Variants in PTPRG observed in about 807,000 individuals in gnomAD.
The protein encoded by PTPRG is protein tyrosine phosphatase receptor type G, also known as receptor-type tyrosine-protein phosphatase gamma.
PTPRG carries 102 observed loss-of-function variants against 165.3 expected under a neutral mutation model. The ratio of observed to expected loss-of-function variants is 0.62; its 90% CI spans 0.53 to 0.73. The LOEUF is 0.73. Ranked by LOEUF, PTPRG falls within the 30% of genes least tolerant of loss-of-function variation. The pLI is 0.00. For missense variants in PTPRG, 1,866 were observed against 1,861.4 expected (o/e 1.00, Z -0.05); for synonymous variants, 675 against 669.5 (o/e 1.01, Z -0.13).
intron 1 of PTPRG, among the ~76,000 whole-genome samples, chr3:61,675,804 T>C (rs192496818): frequency 3.1e-4 from 47 of 152,286 alleles, no homozygotes; most frequent in Admixed American, 6.5e-4. Flanking sequence ...TTGCATACAT[T>C]TTGAATTATC....
At chr3:62,105,178 T>C (rs1284000921) in intron 5 of PTPRG, among the ~76,000 whole-genome samples, 1 of 152,194 alleles carries the variant, frequency 6.6e-6, no homozygotes, top group African/African-American at 2.4e-5. Context: ...CAGTTGTTCA[T>C]AGATATTTAT....
At chr3:62,074,211 G>GTGTGTATA (rs923780031) in intron 4 of PTPRG, among the ~76,000 whole-genome samples, 1 of 150,806 alleles carries the variant, frequency 6.6e-6, no homozygotes. Flanking sequence ...GTGTGTGTGT[G>GTGTGTATA]TATACAGAGA....
At position 61,562,211 on chromosome 3, in the gene PTPRG, G is replaced by A. The variant is rs1699773491; in HGVS notation, c.-77G>A. The stretch of plus-strand genomic sequence containing the variant: ...GCCGGGGAAGCGCCCCGGCTTAGCG[G>A]AGGCTCGCACGGAGGCAAGAACTTA... On this transcript the variant is annotated 5_prime_UTR_variant, in exon 1 of 30. Transcript: ENST00000474889. 2.9e-6 allele frequency: 4 copies of A among 1,379,154 alleles called. No individual in the cohort carries two copies. The highest frequency in any genetic ancestry group is 4.1e-6 in the Non-Finnish European group (4 of 969,888). 85.4% of individuals were successfully genotyped at this position (1,379,154 alleles called of 1,614,324 possible).
chr3:61,624,374 G>C (rs1397343174), intron 1 of PTPRG, among the ~76,000 whole-genome samples: 1 of 152,184 alleles, frequency 6.6e-6, no homozygotes, highest in Non-Finnish European at 1.5e-5. Context: ...GGGATGGTCA[G>C]TGAGTTCCAA....
chr3:61,900,791 G>A (rs1338524148), intron 2 of PTPRG, among the ~76,000 whole-genome samples: 1 of 151,954 alleles, frequency 6.6e-6, no homozygotes, highest in African/African-American at 2.4e-5. Flanking sequence ...TGTGTGTACT[G>A]TAGTTAAAAA....
chr3:61,699,370 G>C (rs1033266467), intron 1 of PTPRG, among the ~76,000 whole-genome samples: 1 of 152,112 alleles, frequency 6.6e-6, no homozygotes, highest in African/African-American at 2.4e-5. Context: ...CATTCAATCT[G>C]TTGTGATATT....
chr3:61,758,475 A>T (rs1328394634), intron 2 of PTPRG, among the ~76,000 whole-genome samples: 1 of 152,164 alleles, frequency 6.6e-6, no homozygotes, highest in East Asian at 1.9e-4. Flanking sequence ...TTTTTGAGCC[A>T]GAGTTTCACT....
chr3:61,841,474 G>A (rs1195144915), intron 2 of PTPRG, among the ~76,000 whole-genome samples: 1 of 152,132 alleles, frequency 6.6e-6, no homozygotes, highest in Non-Finnish European at 1.5e-5. Context: ...GACTAATGGG[G>A]CATTGAACTA....
At chr3:61,802,747 TG>T (rs756832064) in intron 2 of PTPRG, among the ~76,000 whole-genome samples, 35 of 152,218 alleles carry the variant, frequency 2.3e-4, no homozygotes, top group Non-Finnish European at 4.1e-4. Context: ...ACACCAGCTC[TG>T]CAGCAGGAGT....
Position 62,163,967 on chromosome 3 carries a change from C to G in PTPRG, c.841-4004C>G, listed in dbSNP as rs561557765. Among the ~76,000 whole-genome samples, 7 of 152,296 alleles carry G rather than the reference C, an allele frequency of 4.6e-5. No individual in the cohort carries two copies. The South Asian group carries it at 1.2e-3, about 27-fold the overall frequency. On this transcript the variant is annotated intron_variant, in intron 7 of 29. Transcript: ENST00000474889. ...AGGCATAGGCCAGATCATAAGGGCCCCACCATTAAGGATGGGAGGCTGTTA... is the reference window on the plus strand; with the variant it reads ...AGGCATAGGCCAGATCATAAGGGCCGCACCATTAAGGATGGGAGGCTGTTA...
At chr3:61,669,973 A>G (rs1702924205) in intron 1 of PTPRG, among the ~76,000 whole-genome samples, 1 of 152,184 alleles carries the variant, frequency 6.6e-6, no homozygotes, top group Admixed American at 6.5e-5. Flanking sequence ...TGGAGTCGGC[A>G]GAACTAGACT....
At chr3:62,131,610 A>T (rs544268608) in intron 5 of PTPRG, among the ~76,000 whole-genome samples, 1 of 152,198 alleles carries the variant, frequency 6.6e-6, no homozygotes, top group East Asian at 1.9e-4. Flanking sequence ...AATACTATCA[A>T]TGGGGGATGG....
At chr3:62,025,569 A>G (rs545900281) in intron 4 of PTPRG, among the ~76,000 whole-genome samples, 80 of 152,292 alleles carry the variant, frequency 5.3e-4, no homozygotes, top group African/African-American at 1.9e-3. Flanking sequence ...CAGCCGTAAA[A>G]TGTAACCATT....
chr3:62,122,366 G>A (rs1236994659), intron 5 of PTPRG, among the ~76,000 whole-genome samples: 1 of 152,156 alleles, frequency 6.6e-6, no homozygotes, highest in Non-Finnish European at 1.5e-5. Flanking sequence ...AATAGGGAAT[G>A]GCCTGTGAGG....
chr3:61,666,302 C>T (rs888903780), intron 1 of PTPRG, among the ~76,000 whole-genome samples: 1 of 152,256 alleles, frequency 6.6e-6, no homozygotes, highest in Non-Finnish European at 1.5e-5. Flanking sequence ...CTGGGCTTGA[C>T]AGAGATGGGA....
At chr3:61,594,268 G>T (rs1039744692) in intron 1 of PTPRG, among the ~76,000 whole-genome samples, 1 of 151,904 alleles carries the variant, frequency 6.6e-6, no homozygotes, top group Non-Finnish European at 1.5e-5. Context: ...GGAGGAGGGC[G>T]CCGGGTGGAT....
At chr3:61,733,918 C>T (rs2032619337) in intron 1 of PTPRG, among the ~76,000 whole-genome samples, 1 of 152,210 alleles carries the variant, frequency 6.6e-6, no homozygotes. Flanking sequence ...ACACCTCAGC[C>T]TCCCAAGTAG....
chr3:61,731,414 T>C (rs1257051297), intron 1 of PTPRG, among the ~76,000 whole-genome samples: 2 of 148,122 alleles, frequency 1.4e-5, no homozygotes, highest in Non-Finnish European at 3.0e-5. Context: ...AGTGTCACAA[T>C]CTCTGCTCAC....
intron 1 of PTPRG, among the ~76,000 whole-genome samples, chr3:61,673,874 T>G (rs1265416884): frequency 1.3e-5 from 2 of 152,110 alleles, no homozygotes; most frequent in African/African-American, 4.8e-5. Flanking sequence ...AACGTGTGAG[T>G]TCATGTCCTT....
Sources: gnomAD v4.1 joint callset for allele counts (sites outside exome capture counted in the v4.1 genomes callset) on GRCh38, gnomAD v4.1.1 for gene constraint, MANE v1.5 for transcripts, NCBI Gene and HGNC (gene_info 2026-07-23, HGNC 2026-07-21) for gene names.